GRM8: variants seen among roughly 807,000 people sequenced by gnomAD.
The protein encoded by GRM8 is glutamate metabotropic receptor 8, also known as metabotropic glutamate receptor 8.
A neutral mutation model predicts 87.2 loss-of-function variants in GRM8; 47 were observed. That is an observed-to-expected ratio of 0.54 (90% CI 0.43 to 0.69). The LOEUF (loss-of-function observed/expected upper bound fraction) is 0.69, where lower values mean the gene tolerates loss of function less well. Among genes scored for constraint, GRM8 ranks in the 30% least tolerant of loss-of-function variants. The probability of loss-of-function intolerance (pLI) is 0.00; values close to 1 mark genes in which losing one functional copy is unlikely to be tolerated. For synonymous variants in GRM8, 396 were observed against 404.5 expected (o/e 0.98, Z 0.25); for missense variants, 1,019 against 1,139.2 (o/e 0.89, Z 1.52).
intron 3 of GRM8, among the ~76,000 whole-genome samples, chr7:127,034,925 GA>G (rs921730042): frequency 6.6e-6 from 1 of 151,710 alleles, no homozygotes; most frequent in Admixed American, 6.6e-5. Context: ...GGGTGGGCAT[GA>G]AAAAAAATAT....
At chr7:127,056,802 T>C (rs1172281541) in intron 3 of GRM8, among the ~76,000 whole-genome samples, 1 of 152,212 alleles carries the variant, frequency 6.6e-6, no homozygotes, top group Non-Finnish European at 1.5e-5. Context: ...TATTCAAAAG[T>C]AATCAACCAC....
intron 7 of GRM8, among the ~76,000 whole-genome samples, chr7:126,752,348 T>G (rs1816520183): frequency 1.3e-5 from 2 of 152,132 alleles, no homozygotes; most frequent in Admixed American, 1.3e-4. Context: ...TTTGACTAGT[T>G]GTTATCCGAT....
chr7:127,189,026 G>A (rs891998847), intron 2 of GRM8, among the ~76,000 whole-genome samples: 3 of 152,206 alleles, frequency 2.0e-5, no homozygotes, highest in African/African-American at 7.2e-5. Flanking sequence ...TGCCATAAAA[G>A]TTAGAAGCTT....
intron 3 of GRM8, among the ~76,000 whole-genome samples, chr7:126,983,431 G>A (rs1811736789): frequency 6.6e-6 from 1 of 152,094 alleles, no homozygotes; most frequent in Non-Finnish European, 1.5e-5. Flanking sequence ...ATACGGTACT[G>A]CTTTTCCCAT....
At chr7:126,684,014 C>G (rs1169858226) in intron 7 of GRM8, among the ~76,000 whole-genome samples, 1 of 152,070 alleles carries the variant, frequency 6.6e-6, no homozygotes, top group Admixed American at 6.6e-5. Context: ...CACTACTGTA[C>G]TCTACATTGC....
At position 126,602,723 on chromosome 7, in the gene GRM8, G is replaced by C. The variant is rs372914796; in HGVS notation, c.1494+6639C>G. ...GTGAATGGGAGTTCACTCATGATTTGGCTCTCTGTTTGTCTGTTGATAGTT... is the reference window on the plus strand; with the variant it reads ...GTGAATGGGAGTTCACTCATGATTTCGCTCTCTGTTTGTCTGTTGATAGTT... On this transcript the variant is annotated intron_variant, in intron 8 of 10. Transcript: ENST00000339582. Among the ~76,000 whole-genome samples, 18 of 151,808 alleles carry C rather than the reference G, an allele frequency of 1.2e-4. No homozygotes were observed. In the Middle Eastern group the frequency reaches 0.01, roughly 86 times the overall value.
At chr7:126,662,431 T>C (rs1243218516) in intron 7 of GRM8, among the ~76,000 whole-genome samples, 1 of 152,104 alleles carries the variant, frequency 6.6e-6, no homozygotes, top group Non-Finnish European at 1.5e-5. Flanking sequence ...AAGGGGAGCA[T>C]GAAACCATGG....
intron 5 of GRM8, 35 bp from the exon 6 acceptor site, chr7:126,902,714 C>T (rs1264810876): frequency 6.9e-7 from 1 of 1,442,310 alleles, no homozygotes; most frequent in Non-Finnish European, 9.5e-7. Context: ...TTTTAATATT[C>T]TTTCAAAATT....
intron 2 of GRM8, among the ~76,000 whole-genome samples, chr7:127,189,391 G>T (rs1794903360): frequency 6.6e-6 from 1 of 152,168 alleles, no homozygotes; most frequent in South Asian, 2.1e-4. Flanking sequence ...TAGAGGATCT[G>T]CAGAATTCTC....
At chr7:126,799,525 T>G (rs1449612147) in intron 6 of GRM8, among the ~76,000 whole-genome samples, 1 of 152,128 alleles carries the variant, frequency 6.6e-6, no homozygotes, top group Non-Finnish European at 1.5e-5. Flanking sequence ...AAACAACCTC[T>G]TTGATTCTCA....
intron 3 of GRM8, among the ~76,000 whole-genome samples, chr7:126,993,455 T>C (rs1197422381): frequency 6.6e-6 from 1 of 152,066 alleles, no homozygotes; most frequent in Non-Finnish European, 1.5e-5. Context: ...ACAAATTGTC[T>C]CACCTAAAAG....
intron 3 of GRM8, among the ~76,000 whole-genome samples, chr7:127,015,085 A>T (rs1425347875): frequency 7.0e-6 from 1 of 143,268 alleles, no homozygotes; most frequent in Non-Finnish European, 1.5e-5. Flanking sequence ...GAAGGAGAAG[A>T]AGGAGAAGAA....
chr7:126,620,298 T>C (rs996257666), intron 7 of GRM8, among the ~76,000 whole-genome samples: 1 of 152,060 alleles, frequency 6.6e-6, no homozygotes, highest in Non-Finnish European at 1.5e-5. Flanking sequence ...TAAAACAAAC[T>C]TTTCCATCCA....
intron 7 of GRM8, among the ~76,000 whole-genome samples, chr7:126,759,737 TAAGATGACCCAAGC>T (rs2151570442): frequency 6.6e-6 from 1 of 152,312 alleles, no homozygotes; most frequent in Non-Finnish European, 1.5e-5. Flanking sequence ...ATCATTTTTG[TAAGATGACCCAAGC>T]AGTCTAAATA....
intron 8 of GRM8, among the ~76,000 whole-genome samples, chr7:126,560,523 C>A (rs1022248749): frequency 6.6e-6 from 1 of 151,942 alleles, no homozygotes; most frequent in African/African-American, 2.4e-5. Flanking sequence ...AATGAACCAG[C>A]AAAATACCAA....
intron 9 of GRM8, among the ~76,000 whole-genome samples, chr7:126,469,947 T>C (rs1026390602): frequency 2.0e-5 from 3 of 152,102 alleles, no homozygotes; most frequent in Non-Finnish European, 4.4e-5. Flanking sequence ...TGGGAAACTT[T>C]GGAGCTTCCT....
chr7:127,196,582 A>G (rs1345413854), intron 2 of GRM8, among the ~76,000 whole-genome samples: 1 of 151,966 alleles, frequency 6.6e-6, no homozygotes, highest in Non-Finnish European at 1.5e-5. Context: ...CCAGCCAAGT[A>G]TCCTTTAGAT....
chr7:126,685,100 G>A lies in GRM8; in HGVS notation c.1358-75602C>T, dbSNP rs981647306. 2.0e-5 allele frequency among the ~76,000 whole-genome samples: 3 copies of A among 152,172 alleles called. No homozygotes were observed. The highest frequency in any genetic ancestry group is 6.5e-5 in the Admixed American group (1 of 15,284). Reference sequence around the variant, plus strand: ...ACTGCCCCCACCTTCACGCAGCCGGGCAGTACCCACTCCAGGCCCCGGCCC... The same window carrying A: ...ACTGCCCCCACCTTCACGCAGCCGGACAGTACCCACTCCAGGCCCCGGCCC... On this transcript the variant is annotated intron_variant, in intron 7 of 10. Coordinates refer to ENST00000339582, the MANE Select transcript of GRM8 (RefSeq NM_000845.3). The surrounding 1 kb of genome is among the most constrained non-coding windows in gnomAD (Gnocchi z 4.2).
At chr7:126,942,548 TG>T (rs1807074252) in intron 3 of GRM8, among the ~76,000 whole-genome samples, 1 of 152,216 alleles carries the variant, frequency 6.6e-6, no homozygotes, top group Non-Finnish European at 1.5e-5. Flanking sequence ...ACGTTTGCTC[TG>T]CTCCATGACA....
Sources: allele counts gnomAD v4.1 joint callset (sites outside exome capture counted in the v4.1 genomes callset), GRCh38; gene constraint gnomAD v4.1.1; non-coding constraint Gnocchi (gnomAD v3.1); transcripts MANE v1.5; gene names NCBI Gene and HGNC (gene_info 2026-07-23, HGNC 2026-07-21).